GAREM1: variants seen among roughly 807,000 people sequenced by gnomAD.
The protein encoded by GAREM1 is GRB2 associated regulator of MAPK1 subtype 1, also known as GRB2-associated and regulator of MAPK protein 1.
Under a neutral mutation model 71.3 loss-of-function variants are expected in GAREM1, and 26 were observed. The ratio of observed to expected loss-of-function variants is 0.36; its 90% CI spans 0.27 to 0.51. The LOEUF (loss-of-function observed/expected upper bound fraction) is 0.51. GAREM1 is among the 20% of genes least tolerant of loss of function. The probability of loss-of-function intolerance (pLI) is 0.95; values close to 1 mark genes in which losing one functional copy is unlikely to be tolerated. For missense variants in GAREM1, 1,026 were observed against 1,103.1 expected, an observed-to-expected ratio of 0.93 and a Z score of 0.99; for synonymous variants, 440 against 433.2, an observed-to-expected ratio of 1.02 and a Z score of -0.20.
chr18:32,320,148 T>C (rs1421236897), intron 2 of GAREM1, among the ~76,000 whole-genome samples: 2 of 152,236 alleles, frequency 1.3e-5, no homozygotes, highest in African/African-American at 2.4e-5. Flanking sequence ...CTTTTCCTAA[T>C]AGTTCATTAC....
chr18:32,441,994 A>AT (rs35560827), intron 1 of GAREM1, among the ~76,000 whole-genome samples: 1,496 of 148,800 alleles, frequency 0.01, 22 homozygotes, highest in African/African-American at 0.031. Context: ...GCAAATTGTA[A>AT]TTTTTTTTTT....
At chr18:32,439,464 C>T (rs746417447) in intron 1 of GAREM1, among the ~76,000 whole-genome samples, 1 of 152,092 alleles carries the variant, frequency 6.6e-6, no homozygotes, top group Non-Finnish European at 1.5e-5. Context: ...AGTCAATTTA[C>T]TTCCGATAAG....
intron 2 of GAREM1, among the ~76,000 whole-genome samples, chr18:32,378,915 T>A (rs1038073036): frequency 6.6e-6 from 1 of 151,954 alleles, no homozygotes; most frequent in African/African-American, 2.4e-5. Flanking sequence ...ACACAAATAT[T>A]GTATCATGGG....
chr18:32,431,694 T>C (rs886544224), intron 1 of GAREM1, among the ~76,000 whole-genome samples: 3 of 152,036 alleles, frequency 2.0e-5, no homozygotes, highest in Non-Finnish European at 4.4e-5. Context: ...AGATATAAAT[T>C]TACAGACTCA....
At chr18:32,313,448 A>C (rs1411667433) in intron 2 of GAREM1, among the ~76,000 whole-genome samples, 2 of 152,142 alleles carry the variant, frequency 1.3e-5, no homozygotes, top group Non-Finnish European at 2.9e-5. Flanking sequence ...CTAAGGAGGG[A>C]CCATGTCTGC....
intron 2 of GAREM1, among the ~76,000 whole-genome samples, chr18:32,323,108 A>G (rs1188491946): frequency 2.6e-5 from 4 of 152,248 alleles, no homozygotes; most frequent in Admixed American, 2.6e-4. Flanking sequence ...TGGTTCCCAG[A>G]GGCAGGAAAT....
intron 1 of GAREM1, among the ~76,000 whole-genome samples, chr18:32,414,508 T>C (rs1466453462): frequency 6.6e-6 from 1 of 151,804 alleles, no homozygotes; most frequent in East Asian, 1.9e-4. Context: ...ACTGAAATAA[T>C]ATCAAGCACC....
At chr18:32,400,726 G>A (rs2048306479) in intron 1 of GAREM1, among the ~76,000 whole-genome samples, 1 of 152,136 alleles carries the variant, frequency 6.6e-6, no homozygotes, top group Middle Eastern at 3.2e-3. Context: ...ACTGTTGATG[G>A]GACTGTAAAC....
intron 1 of GAREM1, among the ~76,000 whole-genome samples, chr18:32,417,318 C>G (rs2048475168): frequency 6.6e-6 from 1 of 151,962 alleles, no homozygotes; most frequent in Non-Finnish European, 1.5e-5. Context: ...GGAGGTTCCT[C>G]AAAAAACTAA....
chr18:32,286,394 CAG>C, intron 4 of GAREM1, among the ~76,000 whole-genome samples: 1 of 151,578 alleles, frequency 6.6e-6, no homozygotes, highest in South Asian at 2.1e-4. Context: ...GCTTTGATCT[CAG>C]TGTAACTTCA....
chr18:32,328,395 T>C (rs558509638), intron 2 of GAREM1, among the ~76,000 whole-genome samples: 23 of 152,338 alleles, frequency 1.5e-4, no homozygotes, highest in African/African-American at 5.3e-4. Context: ...TGGTTGATAA[T>C]CTGTAGATAG....
chr18:32,370,914 T>G (rs1159775504), intron 2 of GAREM1, among the ~76,000 whole-genome samples: 1 of 152,162 alleles, frequency 6.6e-6, no homozygotes, highest in Non-Finnish European at 1.5e-5. Context: ...TCTGAAAACT[T>G]ACTGTCTTAT....
At chr18:32,308,825 C>T (rs1474791940) in intron 3 of GAREM1, among the ~76,000 whole-genome samples, 6 of 150,092 alleles carry the variant, frequency 4.0e-5, no homozygotes, top group South Asian at 4.3e-4. Flanking sequence ...AACTAAAGAG[C>T]GTAGACCAAA....
chr18:32,271,274 C>A (rs1417708523), intron 4 of GAREM1, among the ~76,000 whole-genome samples: 1 of 152,048 alleles, frequency 6.6e-6, no homozygotes, highest in East Asian at 1.9e-4. Flanking sequence ...CTCACTGCAA[C>A]CTCTGCTTCC....
chr18:32,396,588 A>C (rs2048258949), intron 1 of GAREM1, among the ~76,000 whole-genome samples: 1 of 152,308 alleles, frequency 6.6e-6, no homozygotes, highest in African/African-American at 2.4e-5. Context: ...AAATGAAGCG[A>C]GAAGAGAAGT....
At chr18:32,285,045 G>A (rs1419553759) in intron 4 of GAREM1, among the ~76,000 whole-genome samples, 1 of 152,134 alleles carries the variant, frequency 6.6e-6, no homozygotes, top group Non-Finnish European at 1.5e-5. Context: ...CACTGCGCCT[G>A]GCCCGCCCCC....
At chr18:32,281,934 G>T (rs375417228) in intron 4 of GAREM1, among the ~76,000 whole-genome samples, 1 of 152,106 alleles carries the variant, frequency 6.6e-6, no homozygotes, top group Non-Finnish European at 1.5e-5. Context: ...GTAAATGGCC[G>T]GTCCTTGCCT....
In GAREM1 at chr18:32,267,994, T is replaced by C; in HGVS notation, c.2508A>G (p.Glu836=). ...SEDVISFFVT[E]KIDGNLLVQL... ...GAACAAGCAGGTTCCCATCAATCTT[T>C]TCAGTAACAAAGAATGATATGACAT... The change falls in exon 6 of 6, where the codon GAA becomes GAG. Residue 836 remains glutamate (E), a synonymous_variant. Transcript: ENST00000269209. The C allele has an allele frequency of 6.2e-7, 1 of 1,614,054 alleles. No homozygotes were observed. The highest frequency in any genetic ancestry group is 8.5e-7 in the Non-Finnish European group (1 of 1,179,966).
intron 2 of GAREM1, among the ~76,000 whole-genome samples, chr18:32,364,026 A>ATATTTTTTTTTTTT (rs1336753011): frequency 2.2e-5 from 1 of 46,418 alleles, no homozygotes; most frequent in Non-Finnish European, 3.4e-5. Flanking sequence ...ATATATATAT[A>ATATTTTTTTTTTTT]TGTTTTTTTT....
Sources: allele counts gnomAD v4.1 joint callset (sites outside exome capture counted in the v4.1 genomes callset), GRCh38; gene constraint gnomAD v4.1.1; transcripts MANE v1.5; gene names NCBI Gene and HGNC (gene_info 2026-07-23, HGNC 2026-07-21).